Variants in SAXO1 observed in about 807,000 individuals in gnomAD.
SAXO1 encodes 4930500O09Rik.
In SAXO1, 21 loss-of-function variants were observed where a neutral mutation model predicts 17.5. The ratio of observed to expected loss-of-function variants is 1.20; its 90% CI spans 0.85 to 1.72. The LOEUF is 1.72. Ranked by LOEUF, SAXO1 falls within the 40% of genes most tolerant of loss-of-function variation. The pLI is 0.00. For missense variants in SAXO1, 843 were observed against 596.0 expected, an observed-to-expected ratio of 1.41 and a Z score of -4.32; for synonymous variants, 274 against 216.5, an observed-to-expected ratio of 1.27 and a Z score of -2.33.
chr9:18,986,355 T>G (rs370164192), intron 1 of SAXO1, among the ~76,000 whole-genome samples: 2 of 152,244 alleles, frequency 1.3e-5, no homozygotes, highest in Non-Finnish European at 2.9e-5. Context: ...GAATATTCCA[T>G]TGAGGTCCTA....
chr9:19,011,018 C>A (rs1834710248), intron 1 of SAXO1, among the ~76,000 whole-genome samples: 1 of 152,168 alleles, frequency 6.6e-6, no homozygotes, highest in African/African-American at 2.4e-5. Context: ...CTGTCTAACT[C>A]CAGAGTCTCT....
chr9:18,971,454 A>G (rs1217610020), intron 1 of SAXO1, among the ~76,000 whole-genome samples: 1 of 152,176 alleles, frequency 6.6e-6, no homozygotes, highest in East Asian at 1.9e-4. Context: ...CACTAAAGCA[A>G]AAGAAAGTTA....
In SAXO1 at chr9:19,040,386, G is replaced by A. The variant is rs977405288; in HGVS notation, c.-158+8823C>T. 2.0e-4 allele frequency among the ~76,000 whole-genome samples: 31 copies of A among 152,052 alleles called. 1 individual carries two copies. Among genetic ancestry groups the A allele is most frequent in the Admixed American group, 1.3e-3 (20 of 15,226 alleles). On this transcript the variant is annotated intron_variant, in intron 1 of 3. Transcript: ENST00000542071. ...AATGTTTTTAAAAAGAAAAAGGGCT[G>A]AGCACAGTGTCTCTGGGAGGCTGAG...
At chr9:18,963,258 C>A (rs1172020487) in intron 1 of SAXO1, among the ~76,000 whole-genome samples, 1 of 152,016 alleles carries the variant, frequency 6.6e-6, no homozygotes, top group African/African-American at 2.4e-5. Flanking sequence ...GTTCTTTTTG[C>A]TTAGTTTTAG....
At chr9:18,986,159 T>A (rs974831591) in intron 1 of SAXO1, among the ~76,000 whole-genome samples, 3 of 152,188 alleles carry the variant, frequency 2.0e-5, no homozygotes, top group African/African-American at 4.8e-5. Context: ...ACACAGATTT[T>A]AAAAAAAGCA....
At chr9:19,039,271 G>A (rs935063168) in intron 1 of SAXO1, among the ~76,000 whole-genome samples, 7 of 152,140 alleles carry the variant, frequency 4.6e-5, no homozygotes, top group African/African-American at 9.7e-5. Context: ...GTGGTTAAAC[G>A]TTATTGCTGT....
At chr9:19,040,884 C>T (rs976619458) in intron 1 of SAXO1, among the ~76,000 whole-genome samples, 1 of 150,760 alleles carries the variant, frequency 6.6e-6, no homozygotes, top group African/African-American at 2.4e-5. Flanking sequence ...TATATACTTA[C>T]GTACAATAAA....
chr9:18,983,324 C>A (rs1328015900), intron 1 of SAXO1, among the ~76,000 whole-genome samples: 3 of 152,080 alleles, frequency 2.0e-5, no homozygotes, highest in Non-Finnish European at 4.4e-5. Context: ...ACTTTTAAAG[C>A]ATCAGATCTT....
chr9:18,982,194 C>T lies in SAXO1; in HGVS notation c.39-31257G>A, dbSNP rs976812277. 5.9e-5 allele frequency among the ~76,000 whole-genome samples: 9 copies of T among 152,312 alleles called. No homozygotes were observed. The South Asian group carries it at 1.9e-3, about 32-fold the overall frequency. On this transcript the variant is annotated intron_variant, in intron 1 of 3. Coordinates refer to ENST00000380534, the MANE Select transcript of SAXO1 (RefSeq NM_153707.4). ...CAATCCTCAATACTAAGATGTCCAA[C>T]CAATGAAGATACAGTTGCCCCCAAA...
intron 1 of SAXO1, among the ~76,000 whole-genome samples, chr9:19,001,753 G>A (rs550516806): frequency 2.0e-5 from 3 of 151,912 alleles, no homozygotes; most frequent in African/African-American, 7.2e-5. Flanking sequence ...GCAGTGTGTA[G>A]AAGGAAATTT....
intron 3 of SAXO1, among the ~76,000 whole-genome samples, chr9:18,937,914 A>AT (rs1250600780): frequency 6.6e-6 from 1 of 152,220 alleles, no homozygotes; most frequent in East Asian, 1.9e-4. Context: ...TCAAAAAAAA[A>AT]CCTCATAAGA....
intron 1 of SAXO1, among the ~76,000 whole-genome samples, chr9:18,995,982 G>C (rs1234778099): frequency 3.3e-5 from 5 of 151,844 alleles, no homozygotes; most frequent in Non-Finnish European, 7.4e-5. Context: ...GGGAGGCTGG[G>C]GCAGGAGAAT....
intron 1 of SAXO1, among the ~76,000 whole-genome samples, chr9:19,001,531 G>C (rs989702729): frequency 6.6e-6 from 1 of 152,048 alleles, no homozygotes; most frequent in Non-Finnish European, 1.5e-5. Flanking sequence ...GCCAGGTGTG[G>C]TGGCGGGCAC....
At chr9:18,967,449 G>A (rs990396178) in intron 1 of SAXO1, among the ~76,000 whole-genome samples, 1 of 152,192 alleles carries the variant, frequency 6.6e-6, no homozygotes, top group African/African-American at 2.4e-5. Context: ...CCTGCCCAGA[G>A]AGGAGGAATC....
rs560823705 is a variant in SAXO1 at position 19,007,411 on chromosome 9, A to T, written c.38+25460T>A. The stretch of plus-strand genomic sequence containing the variant: ...TTAAGTTACATATTTTATCACATTT[A>T]AAAAAACAAAGAAGTTCAACTTTTT... On this transcript the variant is annotated intron_variant, in intron 1 of 3. Transcript: ENST00000380534. 5.9e-4 allele frequency among the ~76,000 whole-genome samples: 90 copies of T among 152,304 alleles called. 1 individual carries two copies. In the South Asian group the frequency reaches 0.018, roughly 30 times the overall value.
intron 1 of SAXO1, among the ~76,000 whole-genome samples, chr9:18,965,447 A>C (rs1832676103): frequency 6.6e-6 from 1 of 152,150 alleles, no homozygotes; most frequent in African/African-American, 2.4e-5. Context: ...TATTGGGTGC[A>C]TATATATTTA....
chr9:19,047,123 G>C (rs967498595), intron 1 of SAXO1, among the ~76,000 whole-genome samples: 1 of 152,206 alleles, frequency 6.6e-6, no homozygotes. Flanking sequence ...GGAGGCGGAG[G>C]TTGCAGTAAG....
intron 1 of SAXO1, among the ~76,000 whole-genome samples, chr9:18,999,846 AGCC>A (rs1834179032): frequency 3.9e-5 from 3 of 77,420 alleles, no homozygotes; most frequent in Admixed American, 1.4e-4. Flanking sequence ...GCCTCTGCCC[AGCC>A]GCCACAACAT....
intron 3 of SAXO1, among the ~76,000 whole-genome samples, chr9:18,932,460 G>T (rs1283120523): frequency 6.6e-6 from 1 of 152,334 alleles, no homozygotes; most frequent in Non-Finnish European, 1.5e-5. Flanking sequence ...ATCAGGAAGT[G>T]TAAGTTTTAC....
Sources: gnomAD v4.1 joint callset for allele counts (sites outside exome capture counted in the v4.1 genomes callset) on GRCh38, gnomAD v4.1.1 for gene constraint, MANE v1.5 for transcripts, NCBI Gene and HGNC (gene_info 2026-07-23, HGNC 2026-07-21) for gene names.